The following SRGAP3 variants were observed in gnomAD, a reference collection of about 807,000 sequenced individuals.
The protein encoded by SRGAP3 is SLIT-ROBO Rho GTPase activating protein 3, also known as SLIT-ROBO Rho GTPase-activating protein 3.
A neutral mutation model predicts 121.1 loss-of-function variants in SRGAP3; 39 were observed. The observed-to-expected ratio is 0.32, with a 90% CI of 0.25 to 0.42. SRGAP3 has a LOEUF of 0.42. Ranked by LOEUF, SRGAP3 falls within the 10% of genes least tolerant of loss-of-function variation. The probability of loss-of-function intolerance (pLI) is 1.00; values close to 1 mark genes in which losing one functional copy is unlikely to be tolerated. For missense variants in SRGAP3, 1,213 were observed against 1,470.6 expected (o/e 0.82, Z 2.86); for synonymous variants, 601 against 570.0 (o/e 1.05, Z -0.77).
At chr3:9,180,386 G>C (rs1247798139) in intron 1 of SRGAP3, among the ~76,000 whole-genome samples, 1 of 152,214 alleles carries the variant, frequency 6.6e-6, no homozygotes, top group Non-Finnish European at 1.5e-5. Flanking sequence ...GAGGCTAGGA[G>C]GAAGTTATTC....
intron 14 of SRGAP3, among the ~76,000 whole-genome samples, chr3:9,020,747 G>T (rs1350965166): frequency 6.6e-6 from 1 of 152,222 alleles, no homozygotes; most frequent in African/African-American, 2.4e-5. Flanking sequence ...TCTGAGAATG[G>T]AATCCCAGAG....
chr3:9,140,212 T>C (rs923932058), intron 1 of SRGAP3, among the ~76,000 whole-genome samples: 1 of 151,960 alleles, frequency 6.6e-6, no homozygotes, highest in African/African-American at 2.4e-5. Flanking sequence ...AAGTGAAAAC[T>C]TGGATACGGC....
At chr3:9,322,838 T>C (rs536591106) in intron 3 of SRGAP3, among the ~76,000 whole-genome samples, 17 of 151,932 alleles carry the variant, frequency 1.1e-4, no homozygotes, top group African/African-American at 4.1e-4. Flanking sequence ...AGCAATCCCA[T>C]TCCTCAAGAA....
intron 9 of SRGAP3, chr3:9,049,318 T>C (rs1945440961): frequency 2.5e-5 from 11 of 442,180 alleles, no homozygotes; most frequent in South Asian, 1.4e-4. Context: ...CTCTCTCCTT[T>C]TCCATGGTCC....
At chr3:9,185,484 G>A (rs1481598783) in intron 1 of SRGAP3, among the ~76,000 whole-genome samples, 2 of 152,080 alleles carry the variant, frequency 1.3e-5, no homozygotes, top group African/African-American at 4.8e-5. Context: ...GGGTGGGGGG[G>A]CACTGCACTG....
intron 1 of SRGAP3, among the ~76,000 whole-genome samples, chr3:9,338,666 C>A (rs1357933200): frequency 1.3e-5 from 2 of 152,232 alleles, no homozygotes; most frequent in Non-Finnish European, 2.9e-5. Context: ...TAATTATAGT[C>A]ATTCCTGAAT....
chr3:9,092,636 C>T (rs2124861216), intron 3 of SRGAP3, among the ~76,000 whole-genome samples: 1 of 152,344 alleles, frequency 6.6e-6, no homozygotes, highest in African/African-American at 2.4e-5. Flanking sequence ...GCTCTCTAAG[C>T]ACCTTTAAGG....
chr3:8,993,735 G>A (rs944595428), intron 19 of SRGAP3, among the ~76,000 whole-genome samples: 45 of 152,194 alleles, frequency 3.0e-4, no homozygotes, highest in Non-Finnish European at 6.5e-4. Context: ...TTCCCTTGAG[G>A]CTCAGCTTGG....
chr3:9,088,592 C>T (rs531285984), intron 3 of SRGAP3, among the ~76,000 whole-genome samples: 1 of 152,286 alleles, frequency 6.6e-6, no homozygotes, highest in South Asian at 2.1e-4. Context: ...CCAAAATTAC[C>T]TCCAGACATT....
rs1210449691 is a variant in SRGAP3, at chr3:9,008,560, T to C, written c.2227+1748A>G. 2.0e-5 allele frequency among the ~76,000 whole-genome samples: 3 copies of C among 150,662 alleles called. No individual in the cohort carries two copies. In the East Asian group the frequency reaches 5.9e-4, roughly 29 times the overall value. ...ACAGGGTGAGGGCTGTTAAAAGGGA[T>C]AGAGGGAGGGGAGAACTGGAGGTGG... On this transcript the variant is annotated intron_variant, in intron 18 of 21. Transcript: ENST00000383836.
At chr3:9,228,420 A>G (rs1050237944) in intron 1 of SRGAP3, among the ~76,000 whole-genome samples, 1 of 152,226 alleles carries the variant, frequency 6.6e-6, no homozygotes, top group African/African-American at 2.4e-5. Context: ...GCACAGCCAG[A>G]CCACTTCCTG....
chr3:9,303,637 T>C (rs1281700697), intron 3 of SRGAP3, among the ~76,000 whole-genome samples: 3 of 152,214 alleles, frequency 2.0e-5, no homozygotes, highest in Non-Finnish European at 4.4e-5. Context: ...ATTTTATTTA[T>C]ATTAATTTAT....
At chr3:9,108,954 T>G (rs1218167427) in intron 2 of SRGAP3, among the ~76,000 whole-genome samples, 1 of 152,178 alleles carries the variant, frequency 6.6e-6, no homozygotes, top group Non-Finnish European at 1.5e-5. Context: ...GAGCAGACAG[T>G]GATTCCGAGG....
At chr3:9,334,716 G>A (rs1207279627) in intron 1 of SRGAP3, among the ~76,000 whole-genome samples, 1 of 152,172 alleles carries the variant, frequency 6.6e-6, no homozygotes, top group Non-Finnish European at 1.5e-5. Flanking sequence ...ATGGCCTCAG[G>A]AGACTGACAG....
intron 1 of SRGAP3, 120 bp downstream of exon 1, chr3:9,248,765 A>C: frequency 9.7e-7 from 1 of 1,027,416 alleles, no homozygotes; most frequent in Middle Eastern, 2.0e-4. Flanking sequence ...CAAAAAGATT[A>C]TTGATGCATA....
intron 3 of SRGAP3, among the ~76,000 whole-genome samples, chr3:9,269,830 G>A (rs1196047000): frequency 1.3e-5 from 2 of 151,960 alleles, no homozygotes; most frequent in African/African-American, 2.4e-5. Flanking sequence ...TTCTAATAAG[G>A]TGTCATATGA....
intron 2 of SRGAP3, among the ~76,000 whole-genome samples, chr3:9,114,309 A>G (rs764291189): frequency 2.0e-5 from 3 of 152,186 alleles, no homozygotes; most frequent in Non-Finnish European, 4.4e-5. Context: ...ACATAATAGT[A>G]CTTTTTATTG....
intron 3 of SRGAP3, among the ~76,000 whole-genome samples, chr3:9,312,025 T>C (rs2125278775): frequency 6.6e-6 from 1 of 152,338 alleles, no homozygotes; most frequent in East Asian, 1.9e-4. Context: ...AATGTTATAA[T>C]TTTTATATCT....
intron 10 of SRGAP3, among the ~76,000 whole-genome samples, chr3:9,038,932 G>T (rs537295292): frequency 2.6e-4 from 40 of 152,222 alleles, no homozygotes; most frequent in African/African-American, 9.4e-4. Context: ...TCTCCTTCCA[G>T]CTACATCCTC....
Sources: gnomAD v4.1 joint callset for allele counts (sites outside exome capture counted in the v4.1 genomes callset) on GRCh38, gnomAD v4.1.1 for gene constraint, MANE v1.5 for transcripts, NCBI Gene and HGNC (gene_info 2026-07-23, HGNC 2026-07-21) for gene names.